Variants in CTNNA3 observed in about 807,000 individuals in gnomAD.
CTNNA3 encodes catenin alpha-3.
CTNNA3 carries 76 observed loss-of-function variants against 95.7 expected under a neutral mutation model. The observed-to-expected ratio is 0.79, with a 90% CI of 0.66 to 0.96. The LOEUF (loss-of-function observed/expected upper bound fraction) is 0.96, where lower values mean the gene tolerates loss of function less well. CTNNA3 is among the 40% of genes least tolerant of loss of function. CTNNA3 has a pLI of 0.00. For missense variants in CTNNA3, 1,191 were observed against 1,089.8 expected (o/e 1.09, Z -1.31); for synonymous variants, 431 against 374.4 (o/e 1.15, Z -1.74).
At chr10:66,847,580 A>G (rs4237311) in intron 7 of CTNNA3, among the ~76,000 whole-genome samples, 83,906 of 151,910 alleles carry the variant, frequency 0.55, 23,830 homozygotes, top group Admixed American at 0.66. Flanking sequence ...TTAAAATAAT[A>G]CTCATCTCAG....
intron 1 of CTNNA3, among the ~76,000 whole-genome samples, chr10:67,745,776 A>C (rs931193447): frequency 2.0e-5 from 3 of 152,172 alleles, no homozygotes; most frequent in Admixed American, 1.3e-4. Context: ...TATATATGTC[A>C]AAAGCAAAAA....
chr10:66,791,203 T>C (rs1840952386), intron 7 of CTNNA3, among the ~76,000 whole-genome samples: 1 of 152,180 alleles, frequency 6.6e-6, no homozygotes, highest in African/African-American at 2.4e-5. Flanking sequence ...TTAAAACCCC[T>C]TAACGGGTTC....
chr10:65,986,103 A>G (rs965127976), intron 16 of CTNNA3, among the ~76,000 whole-genome samples: 1 of 151,450 alleles, frequency 6.6e-6, no homozygotes, highest in African/African-American at 2.4e-5. Context: ...TTACTAATTA[A>G]ACTACTAAGT....
rs1053993678 is a variant in CTNNA3 at position 66,976,536 on chromosome 10, A to G, written c.1048-201012T>C. Among the ~76,000 whole-genome samples, 3 of 152,204 alleles carry G rather than the reference A, an allele frequency of 2.0e-5. No individual in the cohort carries two copies. In the East Asian group the frequency reaches 5.8e-4, roughly 29 times the overall value. ...GTGTTGAAAGATGTCTTCATATAAT[A>G]TAACTGTAATGACATCATCTCTTCC... On this transcript the variant is annotated intron_variant, in intron 7 of 17. Coordinates refer to ENST00000433211, the MANE Select transcript of CTNNA3 (RefSeq NM_013266.4).
At chr10:66,337,148 A>G (rs921682947) in intron 12 of CTNNA3, among the ~76,000 whole-genome samples, 1 of 152,136 alleles carries the variant, frequency 6.6e-6, no homozygotes, top group Non-Finnish European at 1.5e-5. Flanking sequence ...TGGGTTTATC[A>G]TAGTTATTGG....
intron 5 of CTNNA3, among the ~76,000 whole-genome samples, chr10:67,251,665 G>A (rs1866114490): frequency 6.6e-6 from 1 of 152,098 alleles, no homozygotes; most frequent in East Asian, 1.9e-4. Context: ...ACGGGGGTTG[G>A]AAAACTGCTG....
At chr10:67,447,287 T>C (rs1846790786) in intron 5 of CTNNA3, among the ~76,000 whole-genome samples, 1 of 152,230 alleles carries the variant, frequency 6.6e-6, no homozygotes, top group East Asian at 1.9e-4. Context: ...ATGCGTGTAA[T>C]AGATTGTATC....
At chr10:67,389,861 G>T (rs555116751) in intron 5 of CTNNA3, among the ~76,000 whole-genome samples, 2 of 151,842 alleles carry the variant, frequency 1.3e-5, no homozygotes, top group Admixed American at 1.3e-4. Flanking sequence ...TGAAACCAAC[G>T]AGAACAAAGA....
intron 5 of CTNNA3, chr10:67,333,985 T>C (rs1841892433): frequency 6.6e-6 from 1 of 152,196 alleles, no homozygotes; most frequent in Admixed American, 6.6e-5. Context: ...ATGCAATATA[T>C]TTTCCTTATT....
chr10:67,443,956 C>T (rs902128549), intron 5 of CTNNA3, among the ~76,000 whole-genome samples: 1 of 152,122 alleles, frequency 6.6e-6, no homozygotes, highest in Middle Eastern at 3.2e-3. Context: ...TTTAATCCAT[C>T]TTGAATTACT....
Position 67,651,357 on chromosome 10 carries a change from G to A in CTNNA3, c.-5-3839C>T, listed in dbSNP as rs59805955. 9.4e-3 allele frequency among the ~76,000 whole-genome samples: 1,433 copies of A among 152,142 alleles called. 27 individuals are homozygous for A. Among genetic ancestry groups the A allele is most frequent in the African/African-American group, 0.033 (1,363 of 41,510 alleles). ...AAATGATTTTTATTTACTCCTAAAT[G>A]CAGAATTTTATTTTGTCTTCCTAAC... On this transcript the variant is annotated intron_variant, in intron 1 of 17. Transcript: ENST00000433211.
At chr10:66,230,878 G>C (rs899536234) in intron 13 of CTNNA3, among the ~76,000 whole-genome samples, 1 of 152,172 alleles carries the variant, frequency 6.6e-6, no homozygotes, top group Non-Finnish European at 1.5e-5. Context: ...CAAAGTTACA[G>C]CTGCACCACT....
At chr10:66,964,633 C>T (rs371103600) in intron 7 of CTNNA3, among the ~76,000 whole-genome samples, 1 of 152,088 alleles carries the variant, frequency 6.6e-6, no homozygotes, top group South Asian at 2.1e-4. Flanking sequence ...GGATTCACTT[C>T]GGAGGAACTG....
At chr10:67,102,206 C>T (rs1858384798) in intron 7 of CTNNA3, among the ~76,000 whole-genome samples, 2 of 151,622 alleles carry the variant, frequency 1.3e-5, no homozygotes. Flanking sequence ...TAGGGAGGCG[C>T]CAAGTACAAA....
At chr10:66,176,990 C>T (rs962712125) in intron 13 of CTNNA3, among the ~76,000 whole-genome samples, 4 of 151,960 alleles carry the variant, frequency 2.6e-5, no homozygotes, top group African/African-American at 9.7e-5. Flanking sequence ...TTAAAAGGAA[C>T]TCTTGAACTT....
intron 10 of CTNNA3, among the ~76,000 whole-genome samples, chr10:66,567,899 G>A (rs1304969884): frequency 1.3e-5 from 2 of 152,100 alleles, no homozygotes; most frequent in East Asian, 3.9e-4. Context: ...AACTTCATTT[G>A]CTCTTCTGAC....
intron 1 of CTNNA3, among the ~76,000 whole-genome samples, chr10:67,704,883 C>T (rs1841068219): frequency 6.6e-6 from 1 of 151,524 alleles, no homozygotes; most frequent in South Asian, 2.1e-4. Flanking sequence ...ACTCATCTGA[C>T]AAAGGGCTAA....
intron 12 of CTNNA3, among the ~76,000 whole-genome samples, chr10:66,347,021 A>T (rs2092527547): frequency 6.6e-6 from 1 of 152,096 alleles, no homozygotes; most frequent in Admixed American, 6.5e-5. Flanking sequence ...AACAAATATC[A>T]GATTTACATC....
At chr10:66,248,929 C>T (rs1337062511) in intron 13 of CTNNA3, among the ~76,000 whole-genome samples, 1 of 152,046 alleles carries the variant, frequency 6.6e-6, no homozygotes, top group Admixed American at 6.6e-5. Flanking sequence ...ACCAAAATAG[C>T]AAGGTGCTGG....
Sources: gnomAD v4.1 joint callset for allele counts (sites outside exome capture counted in the v4.1 genomes callset) on GRCh38, gnomAD v4.1.1 for gene constraint, MANE v1.5 for transcripts, NCBI Gene and HGNC (gene_info 2026-07-23, HGNC 2026-07-21) for gene names.